The following DIS3 variants were observed in gnomAD, a reference collection of about 807,000 sequenced individuals.
DIS3 encodes the protein exosome complex exonuclease RRP44.
A neutral mutation model predicts 113.0 loss-of-function variants in DIS3; 103 were observed. The ratio of observed to expected loss-of-function variants is 0.91; its 90% CI spans 0.78 to 1.07. DIS3 has a LOEUF of 1.07. Ranked by LOEUF, DIS3 falls within the 50% of genes least tolerant of loss-of-function variation. DIS3 has a pLI of 0.00. For synonymous variants in DIS3, 402 were observed against 394.3 expected, an observed-to-expected ratio of 1.02 and a Z score of -0.23; for missense variants, 1,121 against 1,167.1, an observed-to-expected ratio of 0.96 and a Z score of 0.58.
Position 72,772,798 on chromosome 13 carries a change from C to A in DIS3, c.1281G>T (p.Glu427Asp), listed in dbSNP as rs2138209355. Residue 427 changes from glutamate (E) to aspartate (D), a missense_variant, in exon 9 of 21, where the codon GAG (glutamate) becomes GAT (aspartate). By Grantham distance (45) the Glu-to-Asp change is conservative (BLOSUM62 2). This residue lies in a region of DIS3 where 861 missense variants were observed against 915.5 expected (regional missense o/e 0.94). Transcript: ENST00000377767. ...CAAGTAACAAAACTTCTGTTTCAGT[C>A]TCTTTCTCTCCAACATCACCTAAAT... ...VRNLGDVGEK[E>D]TETEVLLLEH... 6.2e-7 allele frequency: 1 copy of A among 1,612,238 alleles called. No homozygotes were observed. The highest frequency in any genetic ancestry group is 1.1e-5 in the South Asian group (1 of 90,526).
intron 15 of DIS3, among the ~76,000 whole-genome samples, chr13:72,764,550 C>T (rs957865764): frequency 3.2e-4 from 48 of 152,292 alleles, no homozygotes; most frequent in Admixed American, 2.7e-3. Context: ...TGAGTCCACA[C>T]AATCTGACTT....
chr13:72,771,973 A>G, intron 10 of DIS3, 77 bp from the exon 11 acceptor site: 1 of 1,490,630 alleles, frequency 6.7e-7, no homozygotes, highest in Non-Finnish European at 9.1e-7. Flanking sequence ...AATAAGATAA[A>G]GTTTAGCTAA....
At position 72,780,845 on chromosome 13, in the gene DIS3, C is replaced by T. The variant is rs763396817; in HGVS notation, c.386+1G>A. 11 of 1,601,246 alleles carry T rather than the reference C, an allele frequency of 6.9e-6. No homozygotes were observed. The highest frequency in any genetic ancestry group is 2.3e-5 in the South Asian group (2 of 88,348). On this transcript the variant is annotated splice_donor_variant, in intron 2 of 20. Coordinates refer to ENST00000377767, the MANE Select transcript of DIS3 (RefSeq NM_014953.5). LOFTEE classifies it high-confidence loss of function. ...GATATTTAACGTAATATTCCTCCTACCTATGGTGCTCATTAGTGAAAGTAT... is the reference window on the plus strand; with the variant it reads ...GATATTTAACGTAATATTCCTCCTATCTATGGTGCTCATTAGTGAAAGTAT...
rs2033576923 is a variant in DIS3 at position 72,759,654 on chromosome 13, C to G, written c.*141G>C. Reference sequence around the variant, plus strand: ...GATGGGTCAGATACAGTCAACTGTTCAATAAAAATGCAGATGTCTGAAATT... The same window carrying G: ...GATGGGTCAGATACAGTCAACTGTTGAATAAAAATGCAGATGTCTGAAATT... On this transcript the variant is annotated 3_prime_UTR_variant, in exon 21 of 21. Transcript: ENST00000377767. The G allele has an allele frequency of 1.6e-6, 1 of 632,424 alleles. No individual in the cohort carries two copies. Among genetic ancestry groups the G allele is most frequent in the Admixed American group, 3.0e-5 (1 of 33,584 alleles). The allele number at this position is 632,424 out of a possible 1,614,324, so 39.2% of individuals were successfully genotyped here. A position where few individuals can be genotyped will look rare whatever the true frequency, so the allele number is the denominator to read the frequency against.
rs199571755 is a variant in DIS3, at chr13:72,780,922, G to A, written c.310C>T (p.Pro104Ser). 3.7e-6 allele frequency: 6 copies of A among 1,612,898 alleles called. No homozygotes were observed. The highest frequency in any genetic ancestry group is 3.3e-5 in the South Asian group (3 of 90,932). Residue 104 changes from proline (P) to serine (S), a missense_variant, in exon 2 of 21, where the codon CCC becomes TCC. By Grantham distance (74) the Pro-to-Ser change is moderately conservative (BLOSUM62 -1). Transcript: ENST00000377767. ...ACATCTCGGATGCGTTTATATACGG[G>A]GGCACTGCGATTTCTCACTTCTTGA... ...VLQEVRNRSA[P>S]VYKRIRDVTN...
At chr13:72,770,815 A>G in intron 13 of DIS3, 89 bp downstream of exon 13, 1 of 767,368 alleles carries the variant, frequency 1.3e-6, no homozygotes, top group South Asian at 2.3e-5. Context: ...ATATATACGT[A>G]CATGTGAATC....
chr13:72,777,571 A>G, intron 3 of DIS3, 78 bp from the exon 4 acceptor site: 3 of 1,172,710 alleles, frequency 2.6e-6, no homozygotes, highest in Non-Finnish European at 3.8e-6. Flanking sequence ...CTTGTTTGCG[A>G]CAGTATACAC....
At chr13:72,769,294 T>C (rs1385063242) in intron 13 of DIS3, among the ~76,000 whole-genome samples, 1 of 152,190 alleles carries the variant, frequency 6.6e-6, no homozygotes, top group East Asian at 1.9e-4. Flanking sequence ...ATGATCATTA[T>C]TCCCCTGCAA....
At position 72,760,562 on chromosome 13, in the gene DIS3, ATGT is replaced by A. The variant is rs2138147783; in HGVS notation, c.2757_2759del (p.Gln919del). ...CTACCAGGGACATTCGGATCTTCTGATGTTGAAGATTAGATGAGTCTAACATGA... is the reference window on the plus strand; with the variant it reads ...CTACCAGGGACATTCGGATCTTCTGATGAAGATTAGATGAGTCTAACATGA... On this transcript the variant is annotated inframe_deletion, in exon 20 of 21. Transcript: ENST00000377767. The A allele has an allele frequency of 6.2e-7, 1 of 1,613,552 alleles. No homozygotes were observed. Among genetic ancestry groups the A allele is most frequent in the South Asian group, 1.1e-5 (1 of 91,066 alleles).
rs772518079 is a variant in DIS3 at position 72,775,988 on chromosome 13, A to G, written c.759T>C (p.Ala253=). ...TAGCTTCCAAGTAATTTTCCCTGCT[A>G]GCTCTAAATGTTCCTTGAAGGTATG... ...SGTYLQGTFR[A]SRENYLEATV... The change falls in exon 5 of 21, where the codon GCT becomes GCC. Residue 253 remains alanine, a synonymous_variant. Coordinates refer to ENST00000377767, the MANE Select transcript of DIS3 (RefSeq NM_014953.5). 1.9e-6 allele frequency: 3 copies of G among 1,611,722 alleles called. No homozygotes were observed. The highest frequency in any genetic ancestry group is 2.5e-6 in the Non-Finnish European group (3 of 1,179,262).
At chr13:72,777,615 TCTCA>T in intron 3 of DIS3, 122 bp from the exon 4 acceptor site, 1 of 797,152 alleles carries the variant, frequency 1.3e-6, no homozygotes, top group East Asian at 2.7e-5. Context: ...ACACTGAGAG[TCTCA>T]CTCTGTCTCT....
chr13:72,758,058 T>C lies in DIS3; in HGVS notation c.*1737A>G, dbSNP rs895303984. 7.4e-4 allele frequency: 141 copies of C among 190,896 alleles called. 1 individual carries two copies. Among genetic ancestry groups the C allele is most frequent in the African/African-American group, 3.3e-3 (141 of 43,070 alleles). 11.8% of individuals were successfully genotyped at this position (190,896 alleles called of 1,614,324 possible). ...GCTTCCAGTCCTGCCAACTTGTTCA[T>C]GGTAAATGTCCTAAATAGGTGTACC... On this transcript the variant is annotated 3_prime_UTR_variant, in exon 21 of 21. Transcript: ENST00000377767.
At chr13:72,781,312 G>T (rs2034207189) in intron 1 of DIS3, 1 of 1,551,078 alleles carries the variant, frequency 6.4e-7, no homozygotes, top group African/African-American at 1.4e-5. Context: ...GTCGCAGGCT[G>T]GAGGCCACAG....
In DIS3 at chr13:72,759,005, A is replaced by G. The variant is rs2033560304; in HGVS notation, c.*790T>C. 1 of 179,020 alleles carries G rather than the reference A, an allele frequency of 5.6e-6. No individual in the cohort carries two copies. Among genetic ancestry groups the G allele is most frequent in the Non-Finnish European group, 1.2e-5 (1 of 83,594 alleles). 11.1% of individuals were successfully genotyped at this position (179,020 alleles called of 1,614,324 possible). On this transcript the variant is annotated 3_prime_UTR_variant, in exon 21 of 21. Transcript: ENST00000377767. ...TGTTCCCTTTAGTATGTCTTTATAC[A>G]GTTCCCCTCGTGTATATACACTGAT...
chr13:72,768,776 A>T lies in DIS3; in HGVS notation c.1883+9T>A. 6.3e-7 allele frequency: 1 copy of T among 1,584,528 alleles called. No individual in the cohort carries two copies. Among genetic ancestry groups the T allele is most frequent in the Non-Finnish European group, 8.6e-7 (1 of 1,164,628 alleles). On this transcript the variant is annotated intron_variant, in intron 14 of 20. Coordinates refer to ENST00000377767, the MANE Select transcript of DIS3 (RefSeq NM_014953.5). ...AAATTATCTTAATACTATGAAAAAC[A>T]AAATATACCCTTTTTCAATCCTTCT...
At chr13:72,775,691 A>C (rs529117501) in intron 5 of DIS3, among the ~76,000 whole-genome samples, 4 of 152,118 alleles carry the variant, frequency 2.6e-5, no homozygotes, top group Non-Finnish European at 5.9e-5. Context: ...ATAAGAGTAC[A>C]CTACCTAGTT....
At position 72,755,410 on chromosome 13, in the gene DIS3, T is replaced by G; in HGVS notation, c.*4385A>C. The G allele has an allele frequency of 1.9e-6, 1 of 527,750 alleles. No homozygotes were observed. The highest frequency in any genetic ancestry group is 3.3e-6 in the Non-Finnish European group (1 of 299,074). 32.7% of individuals were successfully genotyped at this position (527,750 alleles called of 1,614,324 possible). On this transcript the variant is annotated 3_prime_UTR_variant, in exon 21 of 21. Coordinates refer to ENST00000377767, the MANE Select transcript of DIS3 (RefSeq NM_014953.5). ...GCTCCTGGAACTTCAAGTTGCTGAA[T>G]TATAAGTTTATTTTTTATCAATAAA...
Position 72,780,842 on chromosome 13 carries a change from C to T in DIS3, c.386+4G>A, listed in dbSNP as rs2034173287. 2 of 1,585,090 alleles carry T rather than the reference C, an allele frequency of 1.3e-6. No individual in the cohort carries two copies. The highest frequency in any genetic ancestry group is 1.2e-5 in the South Asian group (1 of 86,224). On this transcript the variant is annotated splice_donor_region_variant and intron_variant, in intron 2 of 20. Coordinates refer to ENST00000377767, the MANE Select transcript of DIS3 (RefSeq NM_014953.5). ...TCTGATATTTAACGTAATATTCCTC[C>T]TACCTATGGTGCTCATTAGTGAAAG... is the stretch of plus-strand genomic sequence containing the variant.
At chr13:72,761,184 G>A (rs956475386) in intron 19 of DIS3, among the ~76,000 whole-genome samples, 179 bp downstream of exon 19, 2 of 152,162 alleles carry the variant, frequency 1.3e-5, no homozygotes, top group African/African-American at 4.8e-5. Flanking sequence ...GTGAGAAATT[G>A]TGAGTAAAAC....
Sources: allele counts gnomAD v4.1 joint callset (sites outside exome capture counted in the v4.1 genomes callset), GRCh38; gene constraint gnomAD v4.1.1; regional missense constraint gnomAD v4.1.1; transcripts MANE v1.5; gene names NCBI Gene and HGNC (gene_info 2026-07-23, HGNC 2026-07-21).